PCDH9: variants seen among roughly 807,000 people sequenced by gnomAD.
The protein encoded by PCDH9 is protocadherin-9.
In PCDH9, 24 loss-of-function variants were observed where a neutral mutation model predicts 70.6. The observed-to-expected ratio is 0.34, with a 90% confidence interval of 0.25 to 0.48. The LOEUF (loss-of-function observed/expected upper bound fraction) is 0.48, where lower values mean the gene tolerates loss of function less well. PCDH9 is among the 20% of genes least tolerant of loss of function. PCDH9 has a pLI of 0.99. For synonymous variants in PCDH9, 562 were observed against 558.5 expected (o/e 1.01, Z -0.09); for missense variants, 1,281 against 1,503.6 (o/e 0.85, Z 2.45).
intron 4 of PCDH9, among the ~76,000 whole-genome samples, chr13:66,498,218 A>G (rs1566371499): frequency 2.7e-5 from 1 of 36,732 alleles, no homozygotes; most frequent in African/African-American, 9.9e-5. Context: ...ATCTCGGCTC[A>G]CTTGAAAGCT....
At chr13:66,998,863 T>G (rs1171323848) in intron 2 of PCDH9, among the ~76,000 whole-genome samples, 1 of 152,202 alleles carries the variant, frequency 6.6e-6, no homozygotes, top group African/African-American at 2.4e-5. Flanking sequence ...CCATGAAGTC[T>G]CTACACAATG....
intron 4 of PCDH9, among the ~76,000 whole-genome samples, chr13:66,460,054 A>G (rs1958394755): frequency 6.6e-6 from 1 of 151,964 alleles, no homozygotes; most frequent in Non-Finnish European, 1.5e-5. Flanking sequence ...TTGAAAACTC[A>G]GTAGTGTCAT....
chr13:66,699,998 A>G lies in PCDH9; in HGVS notation c.3139-68587T>C, dbSNP rs188315957. The stretch of plus-strand genomic sequence containing the variant: ...TATTGTTACCTATAAAAAATTATAC[A>G]ATATTATCTGTAACTGTTCTAAACA... On this transcript the variant is annotated intron_variant, in intron 3 of 4. Coordinates refer to ENST00000377865, the MANE Select transcript of PCDH9 (RefSeq NM_203487.3). 3.2e-4 allele frequency among the ~76,000 whole-genome samples: 49 copies of G among 152,258 alleles called. 1 individual carries two copies. The highest frequency in any genetic ancestry group is 9.2e-4 in the Admixed American group (14 of 15,284).
At chr13:66,817,053 A>G (rs1430301342) in intron 3 of PCDH9, among the ~76,000 whole-genome samples, 1 of 152,030 alleles carries the variant, frequency 6.6e-6, no homozygotes, top group Non-Finnish European at 1.5e-5. Flanking sequence ...TTAAAAAGCA[A>G]TATAGCAAAC....
At chr13:66,975,534 A>G (rs2083601955) in intron 2 of PCDH9, among the ~76,000 whole-genome samples, 1 of 152,080 alleles carries the variant, frequency 6.6e-6, no homozygotes, top group Non-Finnish European at 1.5e-5. Context: ...GCACCCAGCT[A>G]GTGAAATGAA....
At chr13:66,686,182 G>A (rs1218967090) in intron 3 of PCDH9, among the ~76,000 whole-genome samples, 1 of 152,176 alleles carries the variant, frequency 6.6e-6, no homozygotes, top group Non-Finnish European at 1.5e-5. Flanking sequence ...TGTCATGAGA[G>A]GGACCCAGTG....
intron 2 of PCDH9, among the ~76,000 whole-genome samples, chr13:67,079,562 T>A (rs961396842): frequency 2.0e-5 from 3 of 152,102 alleles, no homozygotes; most frequent in Non-Finnish European, 4.4e-5. Context: ...AGTAAAAAGA[T>A]TTTATACCAA....
intron 4 of PCDH9, among the ~76,000 whole-genome samples, chr13:66,423,316 A>G (rs1285828848): frequency 6.6e-6 from 1 of 151,500 alleles, no homozygotes; most frequent in African/African-American, 2.4e-5. Context: ...TCCCTAACTC[A>G]TTTTATGAGG....
chr13:66,657,553 C>T (rs940673479), intron 3 of PCDH9, among the ~76,000 whole-genome samples: 11 of 152,154 alleles, frequency 7.2e-5, no homozygotes, highest in Non-Finnish European at 1.2e-4. Context: ...TGACTTTAAA[C>T]AAAAATTCTC....
At chr13:66,555,447 T>C (rs1961691980) in intron 4 of PCDH9, among the ~76,000 whole-genome samples, 1 of 151,984 alleles carries the variant, frequency 6.6e-6, no homozygotes, top group Admixed American at 6.6e-5. Flanking sequence ...TATATGTTTT[T>C]TATTCTTTGT....
chr13:66,638,334 A>T (rs1593819626), intron 3 of PCDH9, among the ~76,000 whole-genome samples: 2 of 152,202 alleles, frequency 1.3e-5, no homozygotes, highest in Admixed American at 1.3e-4. Flanking sequence ...TCAGTGTGTG[A>T]ATGGGAGACT....
intron 2 of PCDH9, among the ~76,000 whole-genome samples, chr13:67,143,049 AC>A (rs1462143097): frequency 1.3e-5 from 2 of 151,984 alleles, no homozygotes; most frequent in Non-Finnish European, 2.9e-5. Context: ...GAAAGAAAAA[AC>A]AAAAACTTAA....
At chr13:67,035,296 T>C (rs2084987792) in intron 2 of PCDH9, among the ~76,000 whole-genome samples, 1 of 152,112 alleles carries the variant, frequency 6.6e-6, no homozygotes, top group Non-Finnish European at 1.5e-5. Flanking sequence ...GTGGTGCATA[T>C]AGCTTTTATA....
intron 3 of PCDH9, among the ~76,000 whole-genome samples, chr13:66,818,174 T>G (rs1424901750): frequency 1.3e-5 from 2 of 152,176 alleles, no homozygotes; most frequent in East Asian, 3.9e-4. Flanking sequence ...TTAATTAAAT[T>G]TAAGTGTATA....
At chr13:66,567,716 T>C (rs770948559) in intron 4 of PCDH9, among the ~76,000 whole-genome samples, 3 of 152,160 alleles carry the variant, frequency 2.0e-5, no homozygotes, top group Non-Finnish European at 2.9e-5. Flanking sequence ...TTGTCAGAAG[T>C]ACCATTTTAA....
At chr13:67,036,699 C>G (rs1248024823) in intron 2 of PCDH9, among the ~76,000 whole-genome samples, 1 of 152,108 alleles carries the variant, frequency 6.6e-6, no homozygotes, top group Non-Finnish European at 1.5e-5. Flanking sequence ...TATGATCATC[C>G]CTTGCCAACA....
intron 2 of PCDH9, among the ~76,000 whole-genome samples, chr13:66,949,214 T>C (rs961869989): frequency 1.3e-5 from 2 of 152,168 alleles, no homozygotes; most frequent in Non-Finnish European, 2.9e-5. Flanking sequence ...AGGTGTGCAT[T>C]ATAGCACGGC....
intron 3 of PCDH9, among the ~76,000 whole-genome samples, chr13:66,842,397 C>T (rs922452786): frequency 1.3e-5 from 2 of 152,172 alleles, no homozygotes; most frequent in Admixed American, 1.3e-4. Flanking sequence ...TGAAAGCTAT[C>T]TGCATTGAAC....
intron 2 of PCDH9, among the ~76,000 whole-genome samples, chr13:67,029,653 A>G (rs572289872): frequency 1.3e-5 from 2 of 152,308 alleles, no homozygotes; most frequent in African/African-American, 2.4e-5. Context: ...TGAATGATCA[A>G]TATGCATTAT....
Sources: allele counts gnomAD v4.1 joint callset (sites outside exome capture counted in the v4.1 genomes callset), GRCh38; gene constraint gnomAD v4.1.1; transcripts MANE v1.5; gene names NCBI Gene and HGNC (gene_info 2026-07-23, HGNC 2026-07-21).